Variants in CHST11 observed in about 807,000 individuals in gnomAD.
CHST11 encodes the protein carbohydrate sulfotransferase 11, also known as C4S-1.
A neutral mutation model predicts 30.4 loss-of-function variants in CHST11; 9 were observed. The observed-to-expected ratio is 0.30, with a 90% CI of 0.18 to 0.52. The LOEUF (loss-of-function observed/expected upper bound fraction) is 0.52, where lower values mean the gene tolerates loss of function less well. Among genes scored for constraint, CHST11 ranks in the 20% least tolerant of loss-of-function variants. The pLI, the probability that CHST11 is intolerant of heterozygous loss-of-function variation, is 0.97. For missense variants in CHST11, 348 were observed against 460.6 expected (o/e 0.76, Z 2.24); for synonymous variants, 152 against 187.8 (o/e 0.81, Z 1.56).
Position 104,509,890 on chromosome 12 carries a change from G to A in CHST11, c.118+52361G>A, listed in dbSNP as rs140266094. Among the ~76,000 whole-genome samples the A allele has an allele frequency of 1.7e-3, 263 of 152,358 alleles. 1 individual carries two copies. The highest frequency in any genetic ancestry group is 3.1e-3 in the Non-Finnish European group (208 of 68,030). Reference sequence around the variant, plus strand: ...AAGAAAAACTTAATTTCCCACTGATGTGAATAGCTTAGAGTAGGTGTTCTT... The same window carrying A: ...AAGAAAAACTTAATTTCCCACTGATATGAATAGCTTAGAGTAGGTGTTCTT... On this transcript the variant is annotated intron_variant, in intron 1 of 2. Coordinates refer to ENST00000303694, the MANE Select transcript of CHST11 (RefSeq NM_018413.6).
chr12:104,626,149 T>C (rs1265882106), intron 2 of CHST11, among the ~76,000 whole-genome samples: 1 of 152,170 alleles, frequency 6.6e-6, no homozygotes, highest in African/African-American at 2.4e-5. Context: ...GGCTCTTTAT[T>C]AGCTGTGGGT....
chr12:104,574,452 G>A (rs752379867), intron 1 of CHST11, among the ~76,000 whole-genome samples: 48 of 152,118 alleles, frequency 3.2e-4, no homozygotes, highest in Non-Finnish European at 5.6e-4. Flanking sequence ...AAGACTTGGA[G>A]CCAACCCAAA....
intron 1 of CHST11, among the ~76,000 whole-genome samples, chr12:104,566,992 T>C (rs1388853187): frequency 2.0e-5 from 3 of 152,040 alleles, no homozygotes; most frequent in Non-Finnish European, 4.4e-5. Context: ...TACACACACA[T>C]GTATATGTAA....
intron 2 of CHST11, among the ~76,000 whole-genome samples, chr12:104,622,194 A>G (rs754569800): frequency 4.7e-4 from 72 of 152,326 alleles, no homozygotes; most frequent in Admixed American, 5.9e-4. Flanking sequence ...ATCAGATCAC[A>G]GTTTTGTGGA....
At chr12:104,546,545 C>T (rs528498787) in intron 1 of CHST11, among the ~76,000 whole-genome samples, 52 of 151,962 alleles carry the variant, frequency 3.4e-4, no homozygotes, top group Non-Finnish European at 6.2e-4. Context: ...GCAACTCAGA[C>T]TGCCTATTTA....
chr12:104,588,756 C>A (rs967894498), intron 1 of CHST11: 1 of 152,706 alleles, frequency 6.5e-6, no homozygotes. Flanking sequence ...ACCAGCCAAC[C>A]TGCTCACCAG....
intron 1 of CHST11, among the ~76,000 whole-genome samples, chr12:104,524,175 G>A (rs1165981164): frequency 1.3e-5 from 2 of 151,968 alleles, no homozygotes; most frequent in Non-Finnish European, 2.9e-5. Flanking sequence ...CTCGAGAATA[G>A]GAAGGACACA....
intron 1 of CHST11, among the ~76,000 whole-genome samples, chr12:104,590,121 G>A (rs1231354722): frequency 6.6e-6 from 1 of 152,088 alleles, no homozygotes; most frequent in Non-Finnish European, 1.5e-5. Flanking sequence ...CAGGCCCCTG[G>A]CCTCGTTGGC....
intron 2 of CHST11, among the ~76,000 whole-genome samples, chr12:104,707,514 C>G (rs985392505): frequency 2.6e-5 from 4 of 152,192 alleles, no homozygotes; most frequent in Non-Finnish European, 5.9e-5. Context: ...ATTTGAAACT[C>G]AGCAGTGAAT....
intron 2 of CHST11, among the ~76,000 whole-genome samples, chr12:104,752,064 G>GA (rs1232144748): frequency 2.0e-5 from 3 of 152,180 alleles, no homozygotes; most frequent in Non-Finnish European, 4.4e-5. Context: ...TAAAACTAAG[G>GA]AAATGTATTC....
At chr12:104,694,088 C>T (rs1592842799) in intron 2 of CHST11, among the ~76,000 whole-genome samples, 1 of 152,198 alleles carries the variant, frequency 6.6e-6, no homozygotes, top group South Asian at 2.1e-4. Context: ...GCACATTTAT[C>T]TCAAAGTTTG....
intron 1 of CHST11, among the ~76,000 whole-genome samples, chr12:104,497,245 GA>G (rs1246118541): frequency 1.3e-5 from 2 of 152,176 alleles, no homozygotes; most frequent in Admixed American, 6.5e-5. Context: ...AAATGATTAT[GA>G]GGTCATTAGG....
intron 2 of CHST11, among the ~76,000 whole-genome samples, chr12:104,660,286 C>T (rs1285622584): frequency 6.6e-6 from 1 of 152,196 alleles, no homozygotes; most frequent in Non-Finnish European, 1.5e-5. Flanking sequence ...GAAAGTCTTT[C>T]GTTCCCAAAG....
At position 104,458,434 on chromosome 12, in the gene CHST11, A is replaced by C. The variant is rs947620170; in HGVS notation, c.118+905A>C. ...TGGCTCAGGCAAAGTTCCACGTCCG[A>C]AATCTGGACTGGGGGAGGGACGAGG... is the stretch of plus-strand genomic sequence containing the variant. On this transcript the variant is annotated intron_variant, in intron 1 of 2. Transcript: ENST00000303694. This position sits in a 1 kb window ranked among gnomAD's most constrained non-coding sequence, Gnocchi z 5.7. Among the ~76,000 whole-genome samples the C allele has an allele frequency of 4.6e-5, 7 of 152,162 alleles. No individual in the cohort carries two copies. Among genetic ancestry groups the C allele is most frequent in the Non-Finnish European group, 8.8e-5 (6 of 68,024 alleles).
intron 1 of CHST11, among the ~76,000 whole-genome samples, chr12:104,586,670 G>T (rs2038807661): frequency 6.6e-6 from 1 of 152,258 alleles, no homozygotes; most frequent in Non-Finnish European, 1.5e-5. Flanking sequence ...AAGCACTTCG[G>T]CATGTTTTCT....
intron 1 of CHST11, among the ~76,000 whole-genome samples, chr12:104,498,418 A>G (rs1236929883): frequency 6.6e-6 from 1 of 152,206 alleles, no homozygotes; most frequent in African/African-American, 2.4e-5. Flanking sequence ...TGACTGGGGA[A>G]TAGTCAGATA....
At position 104,757,012 on chromosome 12, in the gene CHST11, C is replaced by G. The variant is rs778174141; in HGVS notation, c.268C>G (p.Arg90Gly). The G allele has an allele frequency of 4.3e-6, 7 of 1,613,532 alleles. No homozygotes were observed. The highest frequency in any genetic ancestry group is 1.1e-5 in the South Asian group (1 of 91,076). The part of the protein sequence containing the change: ...MRRDQVTDTC[R>G]ANSATSRKRR... ...GCGGGACCAGGTGACAGACACGTGC[C>G]GAGCCAACAGCGCCACAAGCCGTAA... is the stretch of plus-strand genomic sequence containing the variant. The change falls in exon 3 of 3, where the codon CGA becomes GGA. Residue 90 changes from arginine (R) to glycine (G), a missense_variant. Around this residue, in one of 3 missense-constraint regions of CHST11, gnomAD observed 135 missense variants for 155.8 expected, o/e 0.87. Coordinates refer to ENST00000303694, the MANE Select transcript of CHST11 (RefSeq NM_018413.6). The surrounding 1 kb of genome is among the most constrained non-coding windows in gnomAD (Gnocchi z 6.5).
At chr12:104,500,521 T>C (rs1483234026) in intron 1 of CHST11, among the ~76,000 whole-genome samples, 1 of 149,894 alleles carries the variant, frequency 6.7e-6, no homozygotes, top group African/African-American at 2.5e-5. Context: ...ACGAGACTTA[T>C]TCGTTTTTTA....
At position 104,552,362 on chromosome 12, in the gene CHST11, G is replaced by A. The variant is rs139277393; in HGVS notation, c.119-49544G>A. The A allele has an allele frequency of 3.6e-3, 553 of 152,462 alleles. 2 individuals carry two copies. Among genetic ancestry groups the A allele is most frequent in the Non-Finnish European group, 5.8e-3 (394 of 68,174 alleles). The allele number at this position is 152,462 out of a possible 1,614,324, so 9.4% of individuals were successfully genotyped here. A position where few individuals can be genotyped will look rare whatever the true frequency, so the allele number is the denominator to read the frequency against. Reference sequence around the variant, plus strand: ...ACTCTGTCACCCAGGCTGCAGTGCAGTGGCATGATCACAGCTCACTGTAGC... The same window carrying A: ...ACTCTGTCACCCAGGCTGCAGTGCAATGGCATGATCACAGCTCACTGTAGC... On this transcript the variant is annotated intron_variant, in intron 1 of 2. Coordinates refer to ENST00000303694, the MANE Select transcript of CHST11 (RefSeq NM_018413.6).
Sources: gnomAD v4.1 joint callset for allele counts (sites outside exome capture counted in the v4.1 genomes callset) on GRCh38, gnomAD v4.1.1 for gene constraint, gnomAD v4.1.1 regional missense constraint, Gnocchi (gnomAD v3.1) non-coding constraint, MANE v1.5 for transcripts, NCBI Gene and HGNC (gene_info 2026-07-23, HGNC 2026-07-21) for gene names.